The following LIFR variants were observed in gnomAD, a reference collection of about 807,000 sequenced individuals.
LIFR encodes the protein LIF receptor subunit alpha.
In LIFR, 84 loss-of-function variants were observed where a neutral mutation model predicts 122.2. The ratio of observed to expected loss-of-function variants is 0.69; its 90% CI spans 0.58 to 0.82. The LOEUF (loss-of-function observed/expected upper bound fraction) is 0.82. LIFR is among the 40% of genes least tolerant of loss of function. The probability of loss-of-function intolerance (pLI) is 0.00; values close to 1 mark genes in which losing one functional copy is unlikely to be tolerated. For synonymous variants in LIFR, 422 were observed against 434.7 expected (o/e 0.97, Z 0.36); for missense variants, 1,294 against 1,311.6 (o/e 0.99, Z 0.21).
intron 1 of LIFR, among the ~76,000 whole-genome samples, chr5:38,545,929 A>G (rs1276999052): frequency 6.6e-6 from 1 of 152,044 alleles, no homozygotes; most frequent in East Asian, 1.9e-4. Context: ...TAAATCACAA[A>G]ATAAAACCAG....
chr5:38,535,547 G>C (rs192915795), intron 1 of LIFR, among the ~76,000 whole-genome samples: 26 of 152,266 alleles, frequency 1.7e-4, no homozygotes, highest in Admixed American at 1.6e-3. Flanking sequence ...GATAGAGATT[G>C]AATGGTCCAC....
chr5:38,568,316 T>C (rs1749094741), intron 1 of LIFR, among the ~76,000 whole-genome samples: 2 of 152,164 alleles, frequency 1.3e-5, no homozygotes, highest in South Asian at 2.1e-4. Flanking sequence ...GAAGGAATTT[T>C]TGAGCAGAGA....
intron 1 of LIFR, among the ~76,000 whole-genome samples, chr5:38,551,650 G>T (rs1383715989): frequency 2.0e-5 from 3 of 152,192 alleles, no homozygotes; most frequent in Non-Finnish European, 4.4e-5. Flanking sequence ...CTGCCGCTTA[G>T]TAATATAGCA....
At chr5:38,562,778 A>G (rs918377023) in intron 1 of LIFR, among the ~76,000 whole-genome samples, 5 of 152,210 alleles carry the variant, frequency 3.3e-5, no homozygotes, top group Non-Finnish European at 7.3e-5. Flanking sequence ...CTTCAATATT[A>G]TGTACAAAAC....
chr5:38,535,100 A>G (rs1263839058), intron 1 of LIFR, among the ~76,000 whole-genome samples: 1 of 152,216 alleles, frequency 6.6e-6, no homozygotes, highest in Non-Finnish European at 1.5e-5. Flanking sequence ...AAAAAGAACA[A>G]GAGAGAAAAT....
At position 38,513,979 on chromosome 5, in the gene LIFR, G is replaced by A. The variant is rs1033000814; in HGVS notation, c.562-2015C>T. 2.0e-5 allele frequency among the ~76,000 whole-genome samples: 3 copies of A among 152,036 alleles called. No homozygotes were observed. In the South Asian group the frequency reaches 6.2e-4, roughly 32 times the overall value. ...AAACTTTAAATCATTACTATCCTCA[G>A]AGATAAGACATTGCATCATGAAACA... On this transcript the variant is annotated intron_variant, in intron 5 of 19. Coordinates refer to ENST00000453190, the MANE Select transcript of LIFR (RefSeq NM_001127671.2).
At chr5:38,555,459 A>G (rs1373362752) in intron 1 of LIFR, among the ~76,000 whole-genome samples, 1 of 152,226 alleles carries the variant, frequency 6.6e-6, no homozygotes, top group Non-Finnish European at 1.5e-5. Context: ...TCAAGCAAAT[A>G]CTTTTTAAAA....
At chr5:38,588,779 G>A (rs553451359) in intron 1 of LIFR, among the ~76,000 whole-genome samples, 2 of 152,198 alleles carry the variant, frequency 1.3e-5, no homozygotes, top group East Asian at 1.9e-4. Flanking sequence ...GGCACATTAC[G>A]ATCTGAACTT....
intron 1 of LIFR, among the ~76,000 whole-genome samples, chr5:38,575,519 A>G (rs1223115933): frequency 5.3e-5 from 8 of 152,138 alleles, no homozygotes; most frequent in Non-Finnish European, 1.2e-4. Context: ...TTGCCCAGAG[A>G]GAGCTTCCTA....
intron 1 of LIFR, among the ~76,000 whole-genome samples, chr5:38,532,999 GTTCA>G (rs1263741342): frequency 1.3e-5 from 2 of 152,192 alleles, no homozygotes; most frequent in Admixed American, 6.5e-5. Context: ...TAACAAACGT[GTTCA>G]CAGCAGGTGC....
At chr5:38,490,406 TTTC>T (rs1561137329) in intron 14 of LIFR, 115 bp from the exon 15 acceptor site, 1 of 508,698 alleles carries the variant, frequency 2.0e-6, no homozygotes, top group Non-Finnish European at 3.5e-6. Flanking sequence ...TTAAAGATGT[TTTC>T]TTATTAAAAA....
chr5:38,577,521 C>T (rs1749427513), intron 1 of LIFR, among the ~76,000 whole-genome samples: 1 of 152,120 alleles, frequency 6.6e-6, no homozygotes, highest in Admixed American at 6.5e-5. Context: ...ACCTGCACAC[C>T]CTCCTCTTCC....
At position 38,506,525 on chromosome 5, in the gene LIFR, TAGCA is replaced by T; in HGVS notation, c.1095_1098del (p.Ala366GlnfsTer5). The T allele has an allele frequency of 2.5e-6, 4 of 1,614,144 alleles. No individual in the cohort carries two copies. The highest frequency in any genetic ancestry group is 3.4e-6 in the Non-Finnish European group (4 of 1,179,996). On this transcript the variant is annotated frameshift_variant, in exon 8 of 20. Coordinates refer to ENST00000453190, the MANE Select transcript of LIFR (RefSeq NM_001127671.2). LOFTEE classifies it high-confidence loss of function. ...TACCTTTCAACTAAAGTGTAGCTTG[TAGCA>T]CGTGGGCCCACCAACGCTGTCACCC...
chr5:38,488,010 C>T (rs1403446434), intron 16 of LIFR, among the ~76,000 whole-genome samples: 1 of 152,244 alleles, frequency 6.6e-6, no homozygotes, highest in East Asian at 1.9e-4. Flanking sequence ...CTTCTGTTCT[C>T]TCCTTGTGGC....
chr5:38,581,699 A>G (rs1749587368), intron 1 of LIFR, among the ~76,000 whole-genome samples: 1 of 152,218 alleles, frequency 6.6e-6, no homozygotes, highest in Non-Finnish European at 1.5e-5. Context: ...CTGGAATGTC[A>G]CGATGAATTT....
At chr5:38,552,575 C>A (rs138818602) in intron 1 of LIFR, among the ~76,000 whole-genome samples, 1 of 152,070 alleles carries the variant, frequency 6.6e-6, no homozygotes, top group Admixed American at 6.6e-5. Context: ...GGCTATTCCA[C>A]GGAAATAAAA....
At chr5:38,584,513 C>T (rs1003987546) in intron 1 of LIFR, among the ~76,000 whole-genome samples, 1 of 151,876 alleles carries the variant, frequency 6.6e-6, no homozygotes, top group Non-Finnish European at 1.5e-5. Context: ...CAAACACACA[C>T]ACTGGAATAT....
intron 9 of LIFR, among the ~76,000 whole-genome samples, chr5:38,505,462 A>C (rs1384971101): frequency 1.3e-5 from 2 of 152,032 alleles, no homozygotes; most frequent in Non-Finnish European, 1.5e-5. Flanking sequence ...AAATGAATGC[A>C]CATAAAAACT....
Position 38,484,861 on chromosome 5 carries a change from T to C in LIFR, c.2505A>G (p.Gly835=), listed in dbSNP as rs747783999. Residue 835 remains glycine (G), a synonymous_variant, in exon 18 of 20, where the codon GGA becomes GGG. Coordinates refer to ENST00000453190, the MANE Select transcript of LIFR (RefSeq NM_001127671.2). ...CTGGGATGAGAATGGCAATAATTAA[T>C]CCCACAGCTGAAACGAGAGTATTGC... is the stretch of plus-strand genomic sequence containing the variant. ...MYVVTKENSV[G]LIIAILIPVA... The C allele has an allele frequency of 2.5e-6, 4 of 1,610,934 alleles. No individual in the cohort carries two copies. The highest frequency in any genetic ancestry group is 1.1e-5 in the South Asian group (1 of 90,948).
Sources: allele counts gnomAD v4.1 joint callset (sites outside exome capture counted in the v4.1 genomes callset), GRCh38; gene constraint gnomAD v4.1.1; transcripts MANE v1.5; gene names NCBI Gene and HGNC (gene_info 2026-07-23, HGNC 2026-07-21).